Variants in IQGAP3 observed in about 807,000 individuals in gnomAD.
The protein encoded by IQGAP3 is ras GTPase-activating-like protein IQGAP3.
In IQGAP3, 165 loss-of-function variants were observed where a neutral mutation model predicts 208.2. The observed-to-expected ratio is 0.79, with a 90% CI of 0.70 to 0.90. The LOEUF is 0.90. Among genes scored for constraint, IQGAP3 ranks in the 40% least tolerant of loss-of-function variants. The pLI is 0.00. For synonymous variants in IQGAP3, 703 were observed against 803.6 expected, an observed-to-expected ratio of 0.87 and a Z score of 2.12; for missense variants, 1,811 against 2,043.1, an observed-to-expected ratio of 0.89 and a Z score of 2.19.
rs146256375 is a variant in IQGAP3 at position 156,531,149 on chromosome 1, C to T, written c.4191+11G>A. On this transcript the variant is annotated intron_variant, in intron 33 of 37. Transcript: ENST00000361170. ...ATGAGACAGAACCTGTGGGCCAGCC[C>T]GGCTACTCACTTGCTCTCTGGAAGC... 178 of 1,599,870 alleles carry T rather than the reference C, an allele frequency of 1.1e-4. 3 individuals are homozygous for T. Among genetic ancestry groups the T allele is most frequent in the South Asian group, 9.7e-4 (88 of 90,772 alleles).
In IQGAP3 at chr1:156,550,363, A is replaced by G; in HGVS notation, c.1735-12T>C. The G allele has an allele frequency of 6.2e-7, 1 of 1,609,580 alleles. No homozygotes were observed. Among genetic ancestry groups the G allele is most frequent in the Non-Finnish European group, 8.5e-7 (1 of 1,176,254 alleles). On this transcript the variant is annotated splice_polypyrimidine_tract_variant and intron_variant, in intron 15 of 37. Coordinates refer to ENST00000361170, the MANE Select transcript of IQGAP3 (RefSeq NM_178229.5). ...GGATCCCCTGTCACCTGGCAGATTG[A>G]GGGAGAAAAAAAAGATGTGACCCCA...
rs138977257 is a variant in IQGAP3, at chr1:156,540,791, G to A, written c.2656C>T (p.Arg886Ter). The A allele has an allele frequency of 2.5e-6, 4 of 1,614,084 alleles. No homozygotes were observed. The South Asian group carries it at 3.3e-5, about 13-fold the overall frequency. Residue 886 changes from arginine (R) to a stop codon, truncating the protein, a stop_gained, in exon 23 of 38, where the codon CGA (arginine) becomes TGA (stop). Transcript: ENST00000361170. LOFTEE classifies it high-confidence loss of function. ...TCCTGCTCCAGCTGCTGATTGGATC[G>A]GATCTTCCTAACTACCTCTTCCTGG... is the stretch of plus-strand genomic sequence containing the variant. The part of the protein sequence containing the change: ...KLQEEVVRKI[R>*]SNQQLEQDLN...
At position 156,532,976 on chromosome 1, in the gene IQGAP3, C is replaced by T. The variant is rs1292612841; in HGVS notation, c.4103+4G>A. On this transcript the variant is annotated splice_donor_region_variant and intron_variant, in intron 32 of 37. Coordinates refer to ENST00000361170, the MANE Select transcript of IQGAP3 (RefSeq NM_178229.5). ...ATGCAGGGGCAGAGGCTGGCATCAC[C>T]CACCTCAGAAGCAGGCTACGGGTGT... is the stretch of plus-strand genomic sequence containing the variant. The T allele has an allele frequency of 6.2e-7, 1 of 1,613,862 alleles. No individual in the cohort carries two copies. Among genetic ancestry groups the T allele is most frequent in the Non-Finnish European group, 8.5e-7 (1 of 1,179,888 alleles).
chr1:156,543,900 G>C, intron 22 of IQGAP3, 81 bp downstream of exon 22: 1 of 1,206,392 alleles, frequency 8.3e-7, no homozygotes, highest in South Asian at 1.2e-5. Flanking sequence ...CTGTGCAGTC[G>C]CAGAAGGATG....
chr1:156,527,851 G>T, intron 37 of IQGAP3, 101 bp downstream of exon 37: 1 of 748,278 alleles, frequency 1.3e-6, no homozygotes, highest in Non-Finnish European at 2.3e-6. Flanking sequence ...AAACTGAGCT[G>T]GTGTCATCTG....
At chr1:156,527,051 T>G (rs750523985) in intron 37 of IQGAP3, among the ~76,000 whole-genome samples, 1 of 150,984 alleles carries the variant, frequency 6.6e-6, no homozygotes, top group Non-Finnish European at 1.5e-5. Context: ...CAGGCTGGTC[T>G]TGAACTGCTG....
intron 15 of IQGAP3, among the ~76,000 whole-genome samples, chr1:156,551,390 C>T (rs57042014): frequency 4.6e-5 from 7 of 152,146 alleles, no homozygotes; most frequent in Admixed American, 1.3e-4. Flanking sequence ...GTAGGACCAG[C>T]GTAGGCAGTA....
Position 156,556,548 on chromosome 1 carries a change from G to A in IQGAP3, c.1275C>T (p.Leu425=). ...SSMYQLELAV[L]QQQQGELGQE... ...TGGGGCTTACCCCCTGCTGCTGCTG[G>A]AGCACTGCCAGCTCCAGCTGGTACA... Residue 425 remains leucine (L), a synonymous_variant, in exon 12 of 38, where the codon CTC becomes CTT. Transcript: ENST00000361170. 1 of 1,614,110 alleles carries A rather than the reference G, an allele frequency of 6.2e-7. No homozygotes were observed. The highest frequency in any genetic ancestry group is 2.2e-5 in the East Asian group (1 of 44,882).
Position 156,562,327 on chromosome 1 carries a change from G to GCC in IQGAP3, c.877+258_877+259dup, listed in dbSNP as rs5777988. ...CCTCTCGAAGGACCCCAGTCCAACT[G>GCC]CCCCCCCGGCATCAAGAGCTGCTCC... On this transcript the variant is annotated intron_variant, in intron 9 of 37. Coordinates refer to ENST00000361170, the MANE Select transcript of IQGAP3 (RefSeq NM_178229.5). 9.3e-5 allele frequency among the ~76,000 whole-genome samples: 14 copies of GCC among 150,154 alleles called. 1 individual carries two copies. The highest frequency in any genetic ancestry group is 6.0e-4 in the East Asian group (3 of 4,964).
At chr1:156,543,339 A>G (rs779925295) in intron 22 of IQGAP3, among the ~76,000 whole-genome samples, 67 of 152,316 alleles carry the variant, frequency 4.4e-4, no homozygotes, top group Non-Finnish European at 8.2e-4. Context: ...TGAACAGGAC[A>G]TCTCACCAGA....
rs34783419 is a variant in IQGAP3 at position 156,531,603 on chromosome 1, G to GTTT, written c.4104-359_4104-357dup. Among the ~76,000 whole-genome samples the GTTT allele has an allele frequency of 1.7e-3, 202 of 120,568 alleles. 6 individuals carry two copies. The highest frequency in any genetic ancestry group is 5.6e-3 in the African/African-American group (175 of 31,160). 79.1% of individuals were successfully genotyped at this position (120,568 alleles called of 152,430 possible). Reference sequence around the variant, plus strand: ...GACAAAGATGATACTCAGCTCACTTGTTTTTTTTTTTTTTTTTTGAGATAG... The same window carrying GTTT: ...GACAAAGATGATACTCAGCTCACTTGTTTTTTTTTTTTTTTTTTTTTGAGATAG... On this transcript the variant is annotated intron_variant, in intron 32 of 37. Coordinates refer to ENST00000361170, the MANE Select transcript of IQGAP3 (RefSeq NM_178229.5).
chr1:156,548,235 G>C lies in IQGAP3; in HGVS notation c.2142C>G (p.Val714=), dbSNP rs1675363280. ...GGTCATAGGCAGCAGTGACCTTGGT[G>C]ACAGCTGACTGTGGAGGCAGGAGAG... ...HLTREEIQSA[V]TKVTAAYDRQ... The change falls in exon 19 of 38, where the codon GTC becomes GTG. Residue 714 remains valine (V), a synonymous_variant. Coordinates refer to ENST00000361170, the MANE Select transcript of IQGAP3 (RefSeq NM_178229.5). The C allele has an allele frequency of 6.2e-7, 1 of 1,613,608 alleles. No individual in the cohort carries two copies. The highest frequency in any genetic ancestry group is 1.3e-5 in the African/African-American group (1 of 75,026).
At chr1:156,570,757 G>A (rs1305313941) in intron 1 of IQGAP3, among the ~76,000 whole-genome samples, 2 of 152,292 alleles carry the variant, frequency 1.3e-5, no homozygotes. Context: ...TGATCCTCCC[G>A]CCTTGGCCTC....
rs772795962 is a variant in IQGAP3, at chr1:156,539,406, C to G, written c.3024G>C (p.Gln1008His). ...SSRREAYLLL[Q>H]LFKTALQEEI... ...CCTCCTGGAGTGCTGTCTTGAACAG[C>G]TGGAGCAGGAGATAGGCCTCTCGGC... Residue 1008 changes from glutamine (Q) to histidine (H), a missense_variant, in exon 25 of 38, where the codon CAG (glutamine) becomes CAC (histidine). Physicochemically the swap from Gln to His is conservative, Grantham distance 24. Coordinates refer to ENST00000361170, the MANE Select transcript of IQGAP3 (RefSeq NM_178229.5). The G allele has an allele frequency of 6.2e-7, 1 of 1,614,082 alleles. No individual in the cohort carries two copies. The highest frequency in any genetic ancestry group is 8.5e-7 in the Non-Finnish European group (1 of 1,180,006).
chr1:156,532,700 A>G (rs1183435306), intron 32 of IQGAP3, among the ~76,000 whole-genome samples: 1 of 152,186 alleles, frequency 6.6e-6, no homozygotes, highest in Admixed American at 6.5e-5. Flanking sequence ...AAAAAAGAAA[A>G]AAGCATTTGG....
chr1:156,565,443 G>T (rs1676358679), intron 4 of IQGAP3, among the ~76,000 whole-genome samples: 1 of 152,174 alleles, frequency 6.6e-6, no homozygotes, highest in Non-Finnish European at 1.5e-5. Context: ...CTACAGGGAA[G>T]AAAAACAAAG....
chr1:156,544,249 G>A (rs1553225045), intron 20 of IQGAP3, 26 bp from the exon 21 acceptor site: 3 of 1,612,822 alleles, frequency 1.9e-6, no homozygotes, highest in Non-Finnish European at 1.7e-6. Context: ...CACTGCCTCA[G>A]CTCCAGCTTG....
intron 27 of IQGAP3, 53 bp downstream of exon 27, chr1:156,537,128 C>T: frequency 6.3e-7 from 1 of 1,579,288 alleles, no homozygotes; most frequent in East Asian, 2.2e-5. Context: ...CCCATGGTGG[C>T]CTGGCCCTCT....
At chr1:156,532,048 G>C (rs1674435214) in intron 32 of IQGAP3, among the ~76,000 whole-genome samples, 1 of 152,184 alleles carries the variant, frequency 6.6e-6, no homozygotes, top group African/African-American at 2.4e-5. Context: ...TAGAACTGGG[G>C]AAGAAGAGCT....
Sources: gnomAD v4.1 joint callset for allele counts (sites outside exome capture counted in the v4.1 genomes callset) on GRCh38, gnomAD v4.1.1 for gene constraint, MANE v1.5 for transcripts, NCBI Gene and HGNC (gene_info 2026-07-23, HGNC 2026-07-21) for gene names.